FARP1: variants seen among roughly 807,000 people sequenced by gnomAD.
FARP1 encodes the protein FERM, ARHGEF and pleckstrin domain-containing protein 1.
Under a neutral mutation model 128.8 loss-of-function variants are expected in FARP1, and 52 were observed. That is an observed-to-expected ratio of 0.40 (90% confidence interval 0.32 to 0.51). The LOEUF is 0.51. FARP1 is among the 20% of genes least tolerant of loss of function. The pLI, the probability that FARP1 is intolerant of heterozygous loss-of-function variation, is 0.45. For synonymous variants in FARP1, 580 were observed against 551.8 expected (o/e 1.05, Z -0.72); for missense variants, 1,333 against 1,367.9 (o/e 0.97, Z 0.40).
intron 3 of FARP1, among the ~76,000 whole-genome samples, chr13:98,358,193 A>G (rs1656928742): frequency 6.6e-6 from 1 of 150,584 alleles, no homozygotes; most frequent in Admixed American, 6.7e-5. Flanking sequence ...GTGAACTCGC[A>G]TCCCTTTGGC....
At chr13:98,380,571 A>G (rs1312020601) in intron 6 of FARP1, among the ~76,000 whole-genome samples, 1 of 152,058 alleles carries the variant, frequency 6.6e-6, no homozygotes, top group Non-Finnish European at 1.5e-5. Flanking sequence ...GTTCACTATA[A>G]ATATATCCCC....
At chr13:98,409,299 TTA>T in intron 13 of FARP1, 37 bp from the exon 14 acceptor site, 1 of 1,351,854 alleles carries the variant, frequency 7.4e-7, no homozygotes, top group Non-Finnish European at 9.6e-7. Flanking sequence ...CAGAAAAAAA[TTA>T]CTTTTTTTTT....
chr13:98,226,449 C>T (rs1228129652), intron 2 of FARP1, among the ~76,000 whole-genome samples: 1 of 151,946 alleles, frequency 6.6e-6, no homozygotes, highest in East Asian at 1.9e-4. Flanking sequence ...AGTTCATACT[C>T]ACAGGTACCA....
intron 12 of FARP1, 41 bp from the exon 13 acceptor site, chr13:98,395,186 T>G (rs1323259820): frequency 3.2e-6 from 5 of 1,553,314 alleles, no homozygotes; most frequent in Non-Finnish European, 4.4e-6. Context: ...ACAGTCTCCC[T>G]CTTCTCTATC....
At chr13:98,355,056 T>G in intron 3 of FARP1, among the ~76,000 whole-genome samples, 1 of 152,128 alleles carries the variant, frequency 6.6e-6, no homozygotes, top group East Asian at 1.9e-4. Context: ...TTTTAAAATT[T>G]TATTTTGGTG....
At chr13:98,345,790 C>T (rs1470443580) in intron 3 of FARP1, among the ~76,000 whole-genome samples, 1 of 152,194 alleles carries the variant, frequency 6.6e-6, no homozygotes, top group African/African-American at 2.4e-5. Context: ...GCAGTCTCTG[C>T]TGCAACTATT....
intron 16 of FARP1, among the ~76,000 whole-genome samples, chr13:98,414,173 T>C (rs775977768): frequency 5.9e-5 from 9 of 152,176 alleles, no homozygotes; most frequent in Non-Finnish European, 1.3e-4. Context: ...AAGCAGTTGA[T>C]ATAATTTGAT....
intron 2 of FARP1, among the ~76,000 whole-genome samples, chr13:98,288,928 A>G (rs972729554): frequency 6.8e-6 from 1 of 148,130 alleles, no homozygotes; most frequent in Non-Finnish European, 1.5e-5. Flanking sequence ...TATGTTATGA[A>G]TTCTATTTCT....
At chr13:98,275,076 T>G (rs1418425896) in intron 2 of FARP1, among the ~76,000 whole-genome samples, 7 of 152,232 alleles carry the variant, frequency 4.6e-5, no homozygotes, top group Non-Finnish European at 1.0e-4. Context: ...ACTGCATTTA[T>G]CTGACAGATA....
At chr13:98,247,608 G>T (rs184204380) in intron 2 of FARP1, among the ~76,000 whole-genome samples, 11 of 152,300 alleles carry the variant, frequency 7.2e-5, no homozygotes, top group African/African-American at 2.4e-4. Flanking sequence ...AGTGAGCTCA[G>T]GGCTCTGCTG....
intron 2 of FARP1, among the ~76,000 whole-genome samples, chr13:98,217,890 C>T (rs1045058169): frequency 1.3e-5 from 2 of 152,112 alleles, no homozygotes; most frequent in Non-Finnish European, 2.9e-5. Flanking sequence ...TTTAACTATA[C>T]GAGAGTTGGT....
chr13:98,290,701 T>C (rs1885408347), intron 2 of FARP1, among the ~76,000 whole-genome samples: 1 of 152,102 alleles, frequency 6.6e-6, no homozygotes, highest in Non-Finnish European at 1.5e-5. Flanking sequence ...TTGAGTAACA[T>C]CGTACTGGTG....
chr13:98,274,413 CTG>C (rs1491483040), intron 2 of FARP1, among the ~76,000 whole-genome samples: 1 of 152,070 alleles, frequency 6.6e-6, no homozygotes, highest in African/African-American at 2.4e-5. Context: ...GCAGAAGAGA[CTG>C]AGGGAGGAAG....
chr13:98,413,479 G>A (rs1253234105), intron 16 of FARP1, among the ~76,000 whole-genome samples: 1 of 152,126 alleles, frequency 6.6e-6, no homozygotes, highest in Admixed American at 6.5e-5. Context: ...GGGCAACATA[G>A]CAAGACCCCA....
intron 2 of FARP1, among the ~76,000 whole-genome samples, chr13:98,273,691 A>G (rs1361786647): frequency 6.6e-6 from 1 of 152,236 alleles, no homozygotes; most frequent in East Asian, 1.9e-4. Context: ...GATGAAAATC[A>G]TATTCTGTTG....
intron 2 of FARP1, among the ~76,000 whole-genome samples, chr13:98,273,923 C>T (rs1344703966): frequency 4.6e-5 from 7 of 152,216 alleles, no homozygotes; most frequent in African/African-American, 1.4e-4. Flanking sequence ...AGAATGATGG[C>T]GGTCAATGAC....
intron 2 of FARP1, among the ~76,000 whole-genome samples, chr13:98,252,040 GT>G (rs1430470793): frequency 6.6e-6 from 1 of 152,058 alleles, no homozygotes; most frequent in Non-Finnish European, 1.5e-5. Flanking sequence ...TAGAGACAGG[GT>G]TTCACTATGT....
intron 2 of FARP1, among the ~76,000 whole-genome samples, chr13:98,332,200 A>G (rs1007422575): frequency 2.0e-5 from 3 of 150,976 alleles, no homozygotes; most frequent in African/African-American, 7.3e-5. Flanking sequence ...CCAAACTGAA[A>G]CTCTGTCCCC....
At chr13:98,377,112 C>A (rs1889619090) in intron 5 of FARP1, among the ~76,000 whole-genome samples, 1 of 151,902 alleles carries the variant, frequency 6.6e-6, no homozygotes, top group South Asian at 2.1e-4. Flanking sequence ...ACCATCCTGG[C>A]CAACATGGTG....
Sources: gnomAD v4.1 joint callset for allele counts (sites outside exome capture counted in the v4.1 genomes callset) on GRCh38, gnomAD v4.1.1 for gene constraint, MANE v1.5 for transcripts, NCBI Gene and HGNC (gene_info 2026-07-23, HGNC 2026-07-21) for gene names.